The following TEDC2 variants were observed in gnomAD, a reference collection of about 807,000 sequenced individuals.
TEDC2 encodes the protein tubulin epsilon and delta complex protein 2.
Under a neutral mutation model 48.1 loss-of-function variants are expected in TEDC2, and 49 were observed. The ratio of observed to expected loss-of-function variants is 1.02; its 90% CI spans 0.81 to 1.29. The LOEUF (loss-of-function observed/expected upper bound fraction) is 1.29. TEDC2 is among the 50% of genes most tolerant of loss of function. The pLI, the probability that TEDC2 is intolerant of heterozygous loss-of-function variation, is 0.00. For missense variants in TEDC2, 631 were observed against 571.4 expected, an observed-to-expected ratio of 1.10 and a Z score of -1.06; for synonymous variants, 299 against 247.1, an observed-to-expected ratio of 1.21 and a Z score of -1.97.
At chr16:2,460,422 C>T (rs2141837200) in intron 2 of TEDC2, 41 bp downstream of exon 2, 1 of 1,539,804 alleles carries the variant, frequency 6.5e-7, no homozygotes, top group African/African-American at 1.4e-5. Flanking sequence ...CTCCCTCGGG[C>T]CCTCAGAGTC....
At position 2,464,553 on chromosome 16, in the gene TEDC2, G is replaced by T. The variant is rs1369964745; in HGVS notation, c.1187G>T (p.Ser396Ile). The T allele has an allele frequency of 6.3e-7, 1 of 1,596,360 alleles. No homozygotes were observed. Among genetic ancestry groups the T allele is most frequent in the Admixed American group, 1.7e-5 (1 of 59,120 alleles). Residue 396 changes from serine to isoleucine, a missense_variant, in exon 10 of 10, where the codon AGC becomes ATC. Ser to Ile is a moderately radical substitution (Grantham distance 142). Coordinates refer to ENST00000361837, the MANE Select transcript of TEDC2 (RefSeq NM_025108.3). ...ATGGCTGAACTCCTCCCCCTGGTAA[G>T]CGCTGCACAGCCGCAGGGGCCGCCC... ...VLMAELLPLV[S>I]AAQPQGPPWL...
In TEDC2 at chr16:2,464,173, C is replaced by T. The variant is rs2065485268; in HGVS notation, c.1099C>T (p.Leu367=). ...VYSSTQELQT[L]AALKLRVAVL... ...CTCCAGCACCCAGGAGCTGCAGACC[C>T]TGGCGGCCCTCAAGCTGCGAGTGGC... The change falls in exon 9 of 10, where the codon CTG becomes TTG. Residue 367 remains leucine, a synonymous_variant. Coordinates refer to ENST00000361837, the MANE Select transcript of TEDC2 (RefSeq NM_025108.3). The T allele has an allele frequency of 6.2e-7, 1 of 1,612,610 alleles. No homozygotes were observed. Among genetic ancestry groups the T allele is most frequent in the East Asian group, 2.2e-5 (1 of 44,872 alleles).
At position 2,464,768 on chromosome 16, in the gene TEDC2, A is replaced by G. The variant is rs2065490455; in HGVS notation, c.*100A>G. 1 of 1,491,078 alleles carries G rather than the reference A, an allele frequency of 6.7e-7. No homozygotes were observed. The highest frequency in any genetic ancestry group is 1.4e-5 in the African/African-American group (1 of 72,148). The allele number at this position is 1,491,078 out of a possible 1,614,324, so 92.4% of individuals were successfully genotyped here. On this transcript the variant is annotated 3_prime_UTR_variant, in exon 10 of 10. Transcript: ENST00000361837. ...CAGAGATGCCTGTGCTTCCCTGGGA[A>G]ACCTGGTGAACTGGACCAGGTGGCC...
chr16:2,461,765 T>C lies in TEDC2; in HGVS notation c.624T>C (p.Pro208=), dbSNP rs2065468334. 6.2e-7 allele frequency: 1 copy of C among 1,613,154 alleles called. No homozygotes were observed. The highest frequency in any genetic ancestry group is 1.7e-5 in the Admixed American group (1 of 60,008). The change falls in exon 5 of 10, where the codon CCT becomes CCC. Residue 208 remains proline, a synonymous_variant. Transcript: ENST00000361837. ...LKEKGHLLRL[P]AAFRKAASQN... is the part of the protein sequence containing the mutation. Reference sequence around the variant, plus strand: ...CCGACAGGCACCTGCTGCGGCTGCCTGCGGCATTCAGGAAAGCAGCTTCCC... The same window carrying C: ...CCGACAGGCACCTGCTGCGGCTGCCCGCGGCATTCAGGAAAGCAGCTTCCC...
In TEDC2 at chr16:2,460,504, C is replaced by T. The variant is rs1040964897; in HGVS notation, c.126-119C>T. ...TCGGAGCTGTGGGTTGTCAGTGCCA[C>T]CCTCCTTACCCTGCAGGCTCTGAGC... On this transcript the variant is annotated intron_variant, in intron 2 of 9. Transcript: ENST00000361837. The T allele has an allele frequency of 6.6e-6, 10 of 1,506,220 alleles. No homozygotes were observed. In the Admixed American group the frequency reaches 6.7e-5, roughly 10 times the overall value. 93.3% of individuals were successfully genotyped at this position (1,506,220 alleles called of 1,614,324 possible).
At position 2,462,516 on chromosome 16, in the gene TEDC2, G is replaced by A. The variant is rs2065473251; in HGVS notation, c.852G>A (p.Glu284=). 3 of 1,600,358 alleles carry A rather than the reference G, an allele frequency of 1.9e-6. No individual in the cohort carries two copies. The highest frequency in any genetic ancestry group is 4.5e-5 in the East Asian group (2 of 44,588). ...CSLLRLRMRE[E]LSAAPMDWMQ... ...TGCTGAGACTGCGCATGAGGGAGGAGCTCTCGGCAGGTCAGTGGGTCCTGG... is the reference window on the plus strand; with the variant it reads ...TGCTGAGACTGCGCATGAGGGAGGAACTCTCGGCAGGTCAGTGGGTCCTGG... Residue 284 remains glutamate (E), a synonymous_variant, in exon 7 of 10, where the codon GAG becomes GAA. Transcript: ENST00000361837.
In TEDC2 at chr16:2,464,200, G is replaced by A. The variant is rs746988943; in HGVS notation, c.1126G>A (p.Val376Met). ...TLAALKLRVAVLDQQIHLEKV... is the reference protein window; with the variant it reads ...TLAALKLRVAMLDQQIHLEKV... ...GGCGGCCCTCAAGCTGCGAGTGGCT[G>A]TGCTGGACCAGCAGATCCACTTGGA... The change falls in exon 9 of 10, where the codon GTG becomes ATG. Residue 376 changes from valine (V) to methionine (M), a missense_variant. Val to Met is a conservative substitution (Grantham distance 21). Coordinates refer to ENST00000361837, the MANE Select transcript of TEDC2 (RefSeq NM_025108.3). The A allele has an allele frequency of 6.2e-7, 1 of 1,612,246 alleles. No individual in the cohort carries two copies. Among genetic ancestry groups the A allele is most frequent in the Admixed American group, 1.7e-5 (1 of 59,896 alleles).
chr16:2,462,724 T>C lies in TEDC2; in HGVS notation c.956T>C (p.Leu319Pro). The change falls in exon 8 of 10, where the codon CTG becomes CCG. Residue 319 changes from leucine to proline, a missense_variant. By Grantham distance (98) the Leu-to-Pro change is moderately conservative. Transcript: ENST00000361837. ...VGQCLHRLQE[L>P]RAAVAEQPPR... ...CAGTGTCTGCACAGGCTGCAGGAGC[T>C]GCGTGCAGGTGAGACCCCGCCCCCA... 1 of 1,540,320 alleles carries C rather than the reference T, an allele frequency of 6.5e-7. No homozygotes were observed. Among genetic ancestry groups the C allele is most frequent in the Non-Finnish European group, 8.7e-7 (1 of 1,145,548 alleles).
At chr16:2,461,669 T>C (rs950070369) in intron 4 of TEDC2, 78 bp from the exon 5 acceptor site, 23 of 1,556,926 alleles carry the variant, frequency 1.5e-5, no homozygotes, top group African/African-American at 5.4e-5. Context: ...TCATCCCTGA[T>C]TGGGCTCTGA....
At position 2,464,379 on chromosome 16, in the gene TEDC2, G is replaced by C. The variant is rs1023284501; in HGVS notation, c.1156-143G>C. 15 of 1,327,630 alleles carry C rather than the reference G, an allele frequency of 1.1e-5. No homozygotes were observed. In the Admixed American group the frequency reaches 3.0e-4, roughly 27 times the overall value. The allele number at this position is 1,327,630 out of a possible 1,614,324, so 82.2% of individuals were successfully genotyped here. On this transcript the variant is annotated intron_variant, in intron 9 of 9. Coordinates refer to ENST00000361837, the MANE Select transcript of TEDC2 (RefSeq NM_025108.3). ...TGTGGGTTGGGAAGTGCATGGGTCA[G>C]ACGGGGCTGGGACGGCAGGAGGGAG...
In TEDC2 at chr16:2,460,275, T is replaced by TC; in HGVS notation, c.27-3dup. The TC allele has an allele frequency of 6.6e-7, 1 of 1,519,958 alleles. No individual in the cohort carries two copies. Among genetic ancestry groups the TC allele is most frequent in the Middle Eastern group, 1.8e-4 (1 of 5,426 alleles). 94.2% of individuals were successfully genotyped at this position (1,519,958 alleles called of 1,614,324 possible). A position where few individuals can be genotyped will look rare whatever the true frequency, so the allele number is the denominator to read the frequency against. On this transcript the variant is annotated splice_region_variant and splice_polypyrimidine_tract_variant and intron_variant, in intron 1 of 9. Transcript: ENST00000361837. ...GCCGAGGTGCTGAGCCGCCGGTGCGTCCCCCAGGCTGGTGGCCGAGCTGCA... is the reference window on the plus strand; with the variant it reads ...GCCGAGGTGCTGAGCCGCCGGTGCGTCCCCCCAGGCTGGTGGCCGAGCTGCA...
At chr16:2,461,827 G>C in intron 5 of TEDC2, 27 bp downstream of exon 5, 1 of 1,613,270 alleles carries the variant, frequency 6.2e-7, no homozygotes, top group South Asian at 1.1e-5. Flanking sequence ...TGGCTGGACG[G>C]GGGTAGGGGA....
rs2065462024 is a variant in TEDC2 at position 2,460,872 on chromosome 16, G to C, written c.253G>C (p.Glu85Gln). The change falls in exon 4 of 10, where the codon GAG becomes CAG. Residue 85 changes from glutamate (E) to glutamine (Q), a missense_variant. By Grantham distance (29) the Glu-to-Gln change is conservative. Coordinates refer to ENST00000361837, the MANE Select transcript of TEDC2 (RefSeq NM_025108.3). ...KELEFLTQALEKAVRVRRGIT... is the reference protein window; with the variant it reads ...KELEFLTQALQKAVRVRRGIT... ...GTTGGAGTTTCTGACCCAGGCACTGGAGAAGGCTGTACGAGTTCGAAGAGG... is the reference window on the plus strand; with the variant it reads ...GTTGGAGTTTCTGACCCAGGCACTGCAGAAGGCTGTACGAGTTCGAAGAGG... The C allele has an allele frequency of 6.2e-7, 1 of 1,613,400 alleles. No individual in the cohort carries two copies. Among genetic ancestry groups the C allele is most frequent in the African/African-American group, 1.3e-5 (1 of 74,930 alleles).
intron 9 of TEDC2, 95 bp from the exon 10 acceptor site, chr16:2,464,427 G>C (rs1281495193): frequency 1.4e-6 from 2 of 1,396,544 alleles, no homozygotes; most frequent in African/African-American, 1.4e-5. Flanking sequence ...GAAGGAGGGA[G>C]GAGGGCTGAA....
At chr16:2,461,395 GT>G in intron 4 of TEDC2, 171 bp downstream of exon 4, 1 of 944,456 alleles carries the variant, frequency 1.1e-6, no homozygotes, top group Non-Finnish European at 1.5e-6. Flanking sequence ...GTGTGGTGGT[GT>G]CCAGGTTGGC....
chr16:2,464,564 C>A lies in TEDC2; in HGVS notation c.1198C>A (p.Pro400Thr). The A allele has an allele frequency of 6.2e-7, 1 of 1,603,606 alleles. No individual in the cohort carries two copies. The highest frequency in any genetic ancestry group is 2.2e-5 in the East Asian group (1 of 44,872). ...CCTCCCCCTGGTAAGCGCTGCACAG[C>A]CGCAGGGGCCGCCCTGGCTGGCCCT... The part of the protein sequence containing the change: ...ELLPLVSAAQ[P>T]QGPPWLALCR... Residue 400 changes from proline to threonine, a missense_variant, in exon 10 of 10, where the codon CCG becomes ACG. Pro to Thr is a conservative substitution (Grantham distance 38, BLOSUM62 -1). Coordinates refer to ENST00000361837, the MANE Select transcript of TEDC2 (RefSeq NM_025108.3).
At chr16:2,461,540 C>T in intron 4 of TEDC2, 1 of 656,842 alleles carries the variant, frequency 1.5e-6, no homozygotes, top group Non-Finnish European at 2.6e-6. Context: ...GCTCACAGGG[C>T]CCCCTCTTCT....
chr16:2,461,097 G>C lies in TEDC2; in HGVS notation c.478G>C (p.Val160Leu). The change falls in exon 4 of 10, where the codon GTG becomes CTG. Residue 160 changes from valine (V) to leucine (L), a missense_variant. Physicochemically the swap from Val to Leu is conservative, Grantham distance 32 (BLOSUM62 1). Transcript: ENST00000361837. ...KGHPERRLLS[V>L]GDGTRVGMGA... Reference sequence around the variant, plus strand: ...CCACCCTGAGCGCCGGCTGCTGTCAGTGGGGGATGGGACCCGTGTTGGGAT... The same window carrying C: ...CCACCCTGAGCGCCGGCTGCTGTCACTGGGGGATGGGACCCGTGTTGGGAT... The C allele has an allele frequency of 6.3e-7, 1 of 1,590,340 alleles. No individual in the cohort carries two copies. Among genetic ancestry groups the C allele is most frequent in the African/African-American group, 1.3e-5 (1 of 74,600 alleles).
At chr16:2,462,388 A>G in intron 6 of TEDC2, 27 bp from the exon 7 acceptor site, 1 of 1,610,372 alleles carries the variant, frequency 6.2e-7, no homozygotes, top group South Asian at 1.1e-5. Flanking sequence ...CTTTGGCTGC[A>G]GGGAAGTTTT....
Sources: gnomAD v4.1 joint callset for allele counts on GRCh38, gnomAD v4.1.1 for gene constraint, MANE v1.5 for transcripts, NCBI Gene and HGNC (gene_info 2026-07-23, HGNC 2026-07-21) for gene names.